Variants in SKOR2 observed in about 807,000 individuals in gnomAD.
The protein encoded by SKOR2 is SKI family transcriptional corepressor 2, also known as LBX1 corepressor 1-like protein.
Under a neutral mutation model 69.1 loss-of-function variants are expected in SKOR2, and 47 were observed. The observed-to-expected ratio is 0.68, with a 90% CI of 0.54 to 0.87. SKOR2 has a LOEUF of 0.87. Ranked by LOEUF, SKOR2 falls within the 40% of genes least tolerant of loss-of-function variation. The pLI is 0.00. For missense variants in SKOR2, 1,404 were observed against 1,472.2 expected (o/e 0.95, Z 0.76); for synonymous variants, 717 against 672.6 (o/e 1.07, Z -1.02).
intron 8 of SKOR2, among the ~76,000 whole-genome samples, chr18:47,209,052 T>G (rs900117196): frequency 5.9e-5 from 9 of 152,158 alleles, no homozygotes; most frequent in African/African-American, 9.7e-5. Flanking sequence ...ATTTTGAGGT[T>G]GATATCGTTA....
chr18:47,247,662 GGCGCAGCAGGGCCGGGCTTTCGCCTA>G lies in SKOR2; in HGVS notation c.1496_1521del (p.Leu499ProfsTer8). On this transcript the variant is annotated frameshift_variant, in exon 2 of 9. Coordinates refer to ENST00000425639, the MANE Select transcript of SKOR2 (RefSeq NM_001278063.4). LOFTEE classifies it high-confidence loss of function. The surrounding 1 kb of genome is among the most constrained non-coding windows in gnomAD (Gnocchi z 6.6). ...GGCTCAGCCAGGTCCAGGAAGGCCTGGCGCAGCAGGGCCGGGCTTTCGCCTAGCGCGCAGCCTAGCGCCGAGGGCGG... is the reference window on the plus strand; with the variant it reads ...GGCTCAGCCAGGTCCAGGAAGGCCTGGCGCGCAGCCTAGCGCCGAGGGCGG... 7.3e-7 allele frequency: 1 copy of G among 1,365,960 alleles called. No homozygotes were observed. The highest frequency in any genetic ancestry group is 9.4e-7 in the Non-Finnish European group (1 of 1,063,738). 84.6% of individuals were successfully genotyped at this position (1,365,960 alleles called of 1,614,324 possible). A position where few individuals can be genotyped will look rare whatever the true frequency, so the allele number is the denominator to read the frequency against.
Position 47,206,420 on chromosome 18 carries a change from AT to A in SKOR2, c.*475del, listed in dbSNP as rs1316172742. On this transcript the variant is annotated 3_prime_UTR_variant, in exon 9 of 9. Coordinates refer to ENST00000425639, the MANE Select transcript of SKOR2 (RefSeq NM_001278063.4). Reference sequence around the variant, plus strand: ...TTGTACGGCTGGTGCCTTCCCATCCATTGAAACGCTATCCCCACTCCTAGGA... The same window carrying A: ...TTGTACGGCTGGTGCCTTCCCATCCATGAAACGCTATCCCCACTCCTAGGA... The A allele has an allele frequency of 6.6e-6, 1 of 152,114 alleles. No homozygotes were observed. Among genetic ancestry groups the A allele is most frequent in the Non-Finnish European group, 1.5e-5 (1 of 68,008 alleles). 9.4% of individuals were successfully genotyped at this position (152,114 alleles called of 1,614,324 possible).
Position 47,248,718 on chromosome 18 carries a change from G to T in SKOR2, c.466C>A (p.Arg156Ser). The T allele has an allele frequency of 1.3e-6, 2 of 1,555,530 alleles. No homozygotes were observed. Among genetic ancestry groups the T allele is most frequent in the East Asian group, 2.4e-5 (1 of 41,892 alleles). The part of the protein sequence containing the change: ...DVSHECAWGC[R>S]GSFIPARYNS... ...TAGCGCGCGGGAATGAAGCTGCCGC[G>T]GCAGCCCCAGGCGCACTCGTGTGAC... The change falls in exon 2 of 9, where the codon CGC becomes AGC. Residue 156 changes from arginine (R) to serine (S), a missense_variant. Transcript: ENST00000425639. The surrounding 1 kb of genome is among the most constrained non-coding windows in gnomAD (Gnocchi z 6.4).
Position 47,234,864 on chromosome 18 carries a change from G to GAAAAAAAAAAAAA in SKOR2, c.2753-3865_2753-3864insTTTTTTTTTTTTT, listed in dbSNP as rs769601681. Among the ~76,000 whole-genome samples, 14 of 109,072 alleles carry GAAAAAAAAAAAAA rather than the reference G, an allele frequency of 1.3e-4. 2 individuals are homozygous for GAAAAAAAAAAAAA. Among genetic ancestry groups the GAAAAAAAAAAAAA allele is most frequent in the South Asian group, 3.6e-4 (1 of 2,764 alleles). 71.6% of individuals were successfully genotyped at this position (109,072 alleles called of 152,430 possible). ...TGACAGAGCAAAACTCCATCTCAGG[G>GAAAAAAAAAAAAA]AAAAAAAAAAAGAGAGGGGGTGGGG... On this transcript the variant is annotated intron_variant, in intron 4 of 8. Transcript: ENST00000425639.
In SKOR2 at chr18:47,248,444, G is replaced by T. The variant is rs1191225701; in HGVS notation, c.740C>A (p.Pro247Gln). The change falls in exon 2 of 9, where the codon CCG becomes CAG. Residue 247 changes from proline to glutamine, a missense_variant. Physicochemically the swap from Pro to Gln is moderately conservative, Grantham distance 76 (BLOSUM62 -1). Around this residue, in one of 3 missense-constraint regions of SKOR2, gnomAD observed 1,266 missense variants for 1,309.9 expected, o/e 0.97. Transcript: ENST00000425639. The surrounding 1 kb of genome is among the most constrained non-coding windows in gnomAD (Gnocchi z 6.4). ...GGSRKRALPQ[P>Q]GAHPACHPLS... is the part of the protein sequence containing the mutation. ...CGGGTGGCAGGCGGGGTGCGCGCCC[G>T]GCTGGGGCAGTGCGCGCTTGCGGCT... is the stretch of plus-strand genomic sequence containing the variant. 1.4e-6 allele frequency: 2 copies of T among 1,478,130 alleles called. No individual in the cohort carries two copies. The highest frequency in any genetic ancestry group is 1.2e-5 in the South Asian group (1 of 83,314). The allele number at this position is 1,478,130 out of a possible 1,614,324, so 91.6% of individuals were successfully genotyped here.
At chr18:47,241,249 C>T (rs754390493) in intron 4 of SKOR2, among the ~76,000 whole-genome samples, 12 of 152,116 alleles carry the variant, frequency 7.9e-5, no homozygotes, top group African/African-American at 1.4e-4. Context: ...ATGTAGATAA[C>T]GGTTGTTACA....
intron 7 of SKOR2, among the ~76,000 whole-genome samples, chr18:47,217,449 T>C (rs2064147551): frequency 6.6e-6 from 1 of 152,198 alleles, no homozygotes; most frequent in African/African-American, 2.4e-5. Context: ...GACAGAGCAG[T>C]AATACAGAAG....
At chr18:47,212,216 G>T in intron 7 of SKOR2, 65 bp from the exon 8 acceptor site, 2 of 1,214,484 alleles carry the variant, frequency 1.6e-6, no homozygotes, top group South Asian at 4.2e-5. Flanking sequence ...ATGTAATGGA[G>T]ACCCTTCATC....
intron 4 of SKOR2, among the ~76,000 whole-genome samples, chr18:47,243,143 A>C (rs2064256254): frequency 6.6e-6 from 1 of 152,110 alleles, no homozygotes; most frequent in Admixed American, 6.5e-5. Flanking sequence ...GGTAGAGAGG[A>C]ATGGGAATTC....
In SKOR2 at chr18:47,247,591, C is replaced by T; in HGVS notation, c.1593G>A (p.Gln531=). The change falls in exon 2 of 9, where the codon CAG becomes CAA. Residue 531 remains glutamine (Q), a synonymous_variant. Coordinates refer to ENST00000425639, the MANE Select transcript of SKOR2 (RefSeq NM_001278063.4). The surrounding 1 kb of genome is among the most constrained non-coding windows in gnomAD (Gnocchi z 6.6). The stretch of plus-strand genomic sequence containing the variant: ...GGCCGTTGGCCACTACCTGCGGGGG[C>T]TGCCCCGGCGGGGGCGCGGCCTCGG... The part of the protein sequence containing the change: ...GSAEAAPPPG[Q]PPQVVANGPG... The T allele has an allele frequency of 1.6e-6, 2 of 1,262,944 alleles. No homozygotes were observed. Among genetic ancestry groups the T allele is most frequent in the Non-Finnish European group, 2.0e-6 (2 of 1,006,780 alleles). 78.2% of individuals were successfully genotyped at this position (1,262,944 alleles called of 1,614,324 possible).
chr18:47,213,357 T>C (rs546374312), intron 7 of SKOR2, among the ~76,000 whole-genome samples: 62 of 148,134 alleles, frequency 4.2e-4, no homozygotes, highest in Middle Eastern at 3.6e-3. Context: ...AATTAGGCAA[T>C]GATATATATA....
chr18:47,248,241 C>T lies in SKOR2; in HGVS notation c.943G>A (p.Asp315Asn), dbSNP rs1000286259. The change falls in exon 2 of 9, where the codon GAC (aspartate) becomes AAC (asparagine). Residue 315 changes from aspartate to asparagine, a missense_variant. Coordinates refer to ENST00000425639, the MANE Select transcript of SKOR2 (RefSeq NM_001278063.4). This position sits in a 1 kb window ranked among gnomAD's most constrained non-coding sequence, Gnocchi z 6.4. ...HHKRPRFDDD[D>N]DSLQEAAVVA... ...ACGGCGGCCTCCTGCAAGGAGTCGT[C>T]GTCGTCGTCGAAGCGCGGCCGCTTG... 2 of 1,224,084 alleles carry T rather than the reference C, an allele frequency of 1.6e-6. No individual in the cohort carries two copies. The highest frequency in any genetic ancestry group is 3.3e-5 in the East Asian group (1 of 30,156). 75.8% of individuals were successfully genotyped at this position (1,224,084 alleles called of 1,614,324 possible).
Position 47,247,795 on chromosome 18 carries a change from G to A in SKOR2, c.1389C>T (p.Phe463=). 4 of 1,399,456 alleles carry A rather than the reference G, an allele frequency of 2.9e-6. No homozygotes were observed. The highest frequency in any genetic ancestry group is 3.7e-6 in the Non-Finnish European group (4 of 1,084,408). 86.7% of individuals were successfully genotyped at this position (1,399,456 alleles called of 1,614,324 possible). The change falls in exon 2 of 9, where the codon TTC becomes TTT. Residue 463 remains phenylalanine, a synonymous_variant. Coordinates refer to ENST00000425639, the MANE Select transcript of SKOR2 (RefSeq NM_001278063.4). This position sits in a 1 kb window ranked among gnomAD's most constrained non-coding sequence, Gnocchi z 6.6. ...GCCAGAACATGCAGAAGGGCGGATA[G>A]AAGGCGTCCTTGCGGCCCGCGGGCC... ...LFWPAGRKDA[F]YPPFCMFWPP... is the part of the protein sequence containing the mutation.
intron 1 of SKOR2, among the ~76,000 whole-genome samples, chr18:47,250,617 C>T (rs1488178275): frequency 6.6e-6 from 1 of 152,202 alleles, no homozygotes; most frequent in Admixed American, 6.5e-5. Context: ...ATTTCTTATC[C>T]GTGTCCTCTC....
intron 8 of SKOR2, among the ~76,000 whole-genome samples, chr18:47,208,721 G>A (rs554940911): frequency 6.6e-6 from 1 of 152,306 alleles, no homozygotes; most frequent in Non-Finnish European, 1.5e-5. Context: ...TAATTCTGGT[G>A]TTAAAAATGG....
Position 47,248,202 on chromosome 18 carries a change from T to A in SKOR2, c.982A>T (p.Ser328Cys). The stretch of plus-strand genomic sequence containing the variant: ...AGGCTGGCGGCTGCGGCCGAGAGGC[T>A]GGCGGCGGCCACTACGGCGGCCTCC... Reference protein sequence around the residue: ...LQEAAVVAAASLSAAAASLSV... With the variant: ...LQEAAVVAAACLSAAAASLSV... Residue 328 changes from serine to cysteine, a missense_variant, in exon 2 of 9, where the codon AGC (serine) becomes TGC (cysteine). By Grantham distance (112) the Ser-to-Cys change is moderately radical (BLOSUM62 -1). Around this residue, in one of 3 missense-constraint regions of SKOR2, gnomAD observed 1,266 missense variants for 1,309.9 expected, o/e 0.97. Coordinates refer to ENST00000425639, the MANE Select transcript of SKOR2 (RefSeq NM_001278063.4). This position sits in a 1 kb window ranked among gnomAD's most constrained non-coding sequence, Gnocchi z 6.4. 1 of 1,230,744 alleles carries A rather than the reference T, an allele frequency of 8.1e-7. No homozygotes were observed. The allele number at this position is 1,230,744 out of a possible 1,614,324, so 76.2% of individuals were successfully genotyped here. A position where few individuals can be genotyped will look rare whatever the true frequency, so the allele number is the denominator to read the frequency against.
rs370190668 is a variant in SKOR2, at chr18:47,247,435, G to T, written c.1749C>A (p.Ala583=). 3 of 1,281,578 alleles carry T rather than the reference G, an allele frequency of 2.3e-6. No individual in the cohort carries two copies. The highest frequency in any genetic ancestry group is 2.4e-5 in the South Asian group (1 of 41,372). 79.4% of individuals were successfully genotyped at this position (1,281,578 alleles called of 1,614,324 possible). The change falls in exon 2 of 9, where the codon GCC becomes GCA. Residue 583 remains alanine (A), a synonymous_variant. Coordinates refer to ENST00000425639, the MANE Select transcript of SKOR2 (RefSeq NM_001278063.4). The surrounding 1 kb of genome is among the most constrained non-coding windows in gnomAD (Gnocchi z 6.6). ...ACCCGGCGGCCGCGGCCCCTGCCCC[G>T]GCAGCTGCCACAGAGTCCGCGGGCG... ...STPPADSVAA[A]GAGAAAAGSG... is the part of the protein sequence containing the mutation.
At position 47,248,474 on chromosome 18, in the gene SKOR2, C is replaced by T; in HGVS notation, c.710G>A (p.Gly237Asp). Residue 237 changes from glycine (G) to aspartate (D), a missense_variant, in exon 2 of 9, where the codon GGC (glycine) becomes GAC (aspartate). By Grantham distance (94) the Gly-to-Asp change is moderately conservative. Coordinates refer to ENST00000425639, the MANE Select transcript of SKOR2 (RefSeq NM_001278063.4). This position sits in a 1 kb window ranked among gnomAD's most constrained non-coding sequence, Gnocchi z 6.4. ...AWEDVKAMFN[G>D]GSRKRALPQP... ...GGGCAGTGCGCGCTTGCGGCTGCCG[C>T]CGTTGAACATGGCCTTGACGTCCTC... is the stretch of plus-strand genomic sequence containing the variant. 6.5e-7 allele frequency: 1 copy of T among 1,535,892 alleles called. No homozygotes were observed. The highest frequency in any genetic ancestry group is 8.7e-7 in the Non-Finnish European group (1 of 1,146,680).
intron 6 of SKOR2, among the ~76,000 whole-genome samples, chr18:47,229,877 T>C (rs1172134423): frequency 6.6e-6 from 1 of 152,182 alleles, no homozygotes; most frequent in Non-Finnish European, 1.5e-5. Context: ...GTTTTTAGGC[T>C]ACAATATCTC....
Sources: allele counts gnomAD v4.1 joint callset (sites outside exome capture counted in the v4.1 genomes callset), GRCh38; gene constraint gnomAD v4.1.1; regional missense constraint gnomAD v4.1.1; non-coding constraint Gnocchi (gnomAD v3.1); transcripts MANE v1.5; gene names NCBI Gene and HGNC (gene_info 2026-07-23, HGNC 2026-07-21).